DPF3: variants seen among roughly 807,000 people sequenced by gnomAD.
DPF3 encodes zinc finger protein DPF3.
A neutral mutation model predicts 56.8 loss-of-function variants in DPF3; 18 were observed. The ratio of observed to expected loss-of-function variants is 0.32; its 90% CI spans 0.22 to 0.47. DPF3 has a LOEUF of 0.47. Among genes scored for constraint, DPF3 ranks in the 20% least tolerant of loss-of-function variants. The pLI, the probability that DPF3 is intolerant of heterozygous loss-of-function variation, is 1.00. For missense variants in DPF3, 403 were observed against 488.8 expected (o/e 0.82, Z 1.65); for synonymous variants, 188 against 180.2 (o/e 1.04, Z -0.35).
At chr14:72,791,672 A>T (rs962065004) in intron 1 of DPF3, among the ~76,000 whole-genome samples, 3 of 152,218 alleles carry the variant, frequency 2.0e-5, no homozygotes, top group South Asian at 2.1e-4. Context: ...AGCAACTACT[A>T]TGTGGCAGGT....
intron 8 of DPF3, chr14:72,662,072 T>C (rs1270539914): frequency 6.1e-6 from 6 of 985,184 alleles, no homozygotes; most frequent in Non-Finnish European, 7.2e-6. Context: ...AACTGCTGAT[T>C]TGTGGCTAAG....
chr14:72,803,873 C>T (rs530414939), intron 1 of DPF3, among the ~76,000 whole-genome samples: 67 of 151,546 alleles, frequency 4.4e-4, no homozygotes, highest in African/African-American at 1.5e-3. Context: ...AGTGAAAGGG[C>T]TAGGCCTGGA....
At chr14:72,845,069 C>T (rs1884695071) in intron 1 of DPF3, among the ~76,000 whole-genome samples, 1 of 152,178 alleles carries the variant, frequency 6.6e-6, no homozygotes, top group South Asian at 2.1e-4. Context: ...CGTGCCACTG[C>T]ACTCCAGCCT....
chr14:72,630,071 G>A (rs1211309322), intron 8 of DPF3, among the ~76,000 whole-genome samples: 1 of 152,174 alleles, frequency 6.6e-6, no homozygotes, highest in African/African-American at 2.4e-5. Context: ...AGCACTATGA[G>A]AGACACCAGT....
At chr14:72,784,953 G>A (rs1470181287) in intron 1 of DPF3, among the ~76,000 whole-genome samples, 17 of 149,294 alleles carry the variant, frequency 1.1e-4, no homozygotes, top group African/African-American at 2.7e-4. Flanking sequence ...GCAAAACACC[G>A]CCTCAAAAAA....
chr14:72,864,336 C>A (rs575124675), intron 1 of DPF3, among the ~76,000 whole-genome samples: 3 of 152,236 alleles, frequency 2.0e-5, no homozygotes, highest in African/African-American at 4.8e-5. Context: ...CCCACACATA[C>A]GTGTCCCTAC....
At chr14:72,721,381 G>C (rs912161766) in intron 5 of DPF3, among the ~76,000 whole-genome samples, 1 of 152,208 alleles carries the variant, frequency 6.6e-6, no homozygotes, top group African/African-American at 2.4e-5. Context: ...TTTGGTTGGG[G>C]TGAGAGAAGG....
chr14:72,836,475 C>T (rs141931564), intron 1 of DPF3: 10 of 985,432 alleles, frequency 1.0e-5, no homozygotes, highest in African/African-American at 1.7e-5. Context: ...GGAGAAGGAG[C>T]GCAATGAAAC....
chr14:72,796,020 G>A (rs1892632992), intron 1 of DPF3, among the ~76,000 whole-genome samples: 1 of 152,190 alleles, frequency 6.6e-6, no homozygotes, highest in African/African-American at 2.4e-5. Context: ...TACAAACTGA[G>A]GCTAGGACCA....
intron 1 of DPF3, among the ~76,000 whole-genome samples, chr14:72,801,695 G>A (rs935883317): frequency 2.0e-5 from 3 of 152,154 alleles, no homozygotes; most frequent in Non-Finnish European, 4.4e-5. Context: ...GGATATGGGT[G>A]TCCAGTGGCG....
At chr14:72,783,011 C>T (rs1276994534) in intron 1 of DPF3, among the ~76,000 whole-genome samples, 1 of 152,126 alleles carries the variant, frequency 6.6e-6, no homozygotes, top group Non-Finnish European at 1.5e-5. Flanking sequence ...CGCTGGGCTC[C>T]ATCCTCACTG....
intron 8 of DPF3, chr14:72,660,983 C>T (rs1422364026): frequency 7.1e-6 from 6 of 844,080 alleles, no homozygotes; most frequent in Non-Finnish European, 8.6e-6. Flanking sequence ...CGCATGACGG[C>T]GTGAAAGTGA....
intron 3 of DPF3, among the ~76,000 whole-genome samples, chr14:72,743,600 CAAAAA>C (rs57448538): frequency 4.2e-5 from 6 of 141,740 alleles, no homozygotes; most frequent in Non-Finnish European, 6.1e-5. Context: ...TTTCTTCATT[CAAAAA>C]AAAAAAAAAA....
intron 8 of DPF3, among the ~76,000 whole-genome samples, chr14:72,653,846 A>G (rs1885989925): frequency 6.6e-6 from 1 of 152,202 alleles, no homozygotes; most frequent in African/African-American, 2.4e-5. Flanking sequence ...ATTGACACTC[A>G]GCACTTTGAA....
At chr14:72,790,578 A>G (rs1892388927) in intron 1 of DPF3, among the ~76,000 whole-genome samples, 1 of 152,088 alleles carries the variant, frequency 6.6e-6, no homozygotes, top group Non-Finnish European at 1.5e-5. Flanking sequence ...TGAGGTAGAG[A>G]ATATTGTCTT....
At chr14:72,764,642 C>T (rs908713271) in intron 2 of DPF3, among the ~76,000 whole-genome samples, 6 of 151,996 alleles carry the variant, frequency 3.9e-5, no homozygotes, top group East Asian at 3.9e-4. Flanking sequence ...GCGCCCACCA[C>T]GCCCAGCTTA....
chr14:72,770,655 A>G (rs967056642), intron 2 of DPF3, among the ~76,000 whole-genome samples: 1 of 152,198 alleles, frequency 6.6e-6, no homozygotes, highest in Non-Finnish European at 1.5e-5. Flanking sequence ...AACACGATTG[A>G]CCATGAGTTG....
intron 3 of DPF3, among the ~76,000 whole-genome samples, chr14:72,748,314 G>A (rs1890410946): frequency 1.3e-5 from 2 of 152,214 alleles, no homozygotes; most frequent in Admixed American, 1.3e-4. Context: ...GAGATTTGTG[G>A]AATGTTGAAC....
intron 1 of DPF3, among the ~76,000 whole-genome samples, chr14:72,870,370 C>T (rs1885848632): frequency 6.6e-6 from 1 of 152,202 alleles, no homozygotes; most frequent in Non-Finnish European, 1.5e-5. Flanking sequence ...AGTCTCCTTC[C>T]CCTTAGAGGA....
Sources: allele counts gnomAD v4.1 joint callset (sites outside exome capture counted in the v4.1 genomes callset), GRCh38; gene constraint gnomAD v4.1.1; transcripts MANE v1.5; gene names NCBI Gene and HGNC (gene_info 2026-07-23, HGNC 2026-07-21).